The following IL23R variants were observed in gnomAD, a reference collection of about 807,000 sequenced individuals.
The protein encoded by IL23R is interleukin-23 receptor.
A neutral mutation model predicts 56.9 loss-of-function variants in IL23R; 34 were observed. The observed-to-expected ratio is 0.60, with a 90% CI of 0.45 to 0.80. The LOEUF is 0.80. Ranked by LOEUF, IL23R falls within the 30% of genes least tolerant of loss-of-function variation. IL23R has a pLI of 0.00. For synonymous variants in IL23R, 230 were observed against 249.2 expected (o/e 0.92, Z 0.73); for missense variants, 635 against 730.0 (o/e 0.87, Z 1.50).
chr1:67,182,592 G>A (rs906963085), intron 3 of IL23R, among the ~76,000 whole-genome samples: 2 of 152,274 alleles, frequency 1.3e-5, no homozygotes, highest in Non-Finnish European at 2.9e-5. Flanking sequence ...CCCGGGTGAG[G>A]CAATGCCTCG....
In IL23R at chr1:67,259,818, G is replaced by A. The variant is rs1381705290; in HGVS notation, c.*690G>A. The A allele has an allele frequency of 6.6e-6, 1 of 151,926 alleles. No homozygotes were observed. The highest frequency in any genetic ancestry group is 2.4e-5 in the African/African-American group (1 of 41,288). The allele number at this position is 151,926 out of a possible 1,614,324, so 9.4% of individuals were successfully genotyped here. A position where few individuals can be genotyped will look rare whatever the true frequency, so the allele number is the denominator to read the frequency against. On this transcript the variant is annotated 3_prime_UTR_variant, in exon 11 of 11. Transcript: ENST00000347310. ...GTCTCTACTAAAATTACAAAAATTA[G>A]CCGGCCATGGTGGCAGGTGCTTGTA... is the stretch of plus-strand genomic sequence containing the variant.
chr1:67,192,074 A>T (rs988132803), intron 4 of IL23R, among the ~76,000 whole-genome samples: 3 of 152,240 alleles, frequency 2.0e-5, no homozygotes, highest in African/African-American at 7.2e-5. Flanking sequence ...CCAGCAGTGC[A>T]TTTGGTGAGG....
chr1:67,233,059 C>T (rs1651201532), intron 7 of IL23R, among the ~76,000 whole-genome samples: 1 of 151,494 alleles, frequency 6.6e-6, no homozygotes, highest in Non-Finnish European at 1.5e-5. Context: ...TATAAATTTC[C>T]CAGTTTTGTC....
chr1:67,226,940 G>A (rs541260126), intron 7 of IL23R, among the ~76,000 whole-genome samples: 51 of 152,142 alleles, frequency 3.4e-4, no homozygotes, highest in Non-Finnish European at 5.0e-4. Context: ...ACAGGATATA[G>A]GACTGTTGTC....
At chr1:67,262,500 A>G (rs993443236), downstream of IL23R, among the ~76,000 whole-genome samples, 2 of 152,174 alleles carry the variant, frequency 1.3e-5, no homozygotes, top group African/African-American at 4.8e-5. Flanking sequence ...AGTCTCAGGT[A>G]AGAGCCAGCT....
intron 1 of IL23R, among the ~76,000 whole-genome samples, chr1:67,161,377 C>A (rs1382406310): frequency 1.3e-5 from 2 of 151,984 alleles, no homozygotes; most frequent in East Asian, 1.9e-4. Context: ...ATATAATATA[C>A]TCCTCCTAAA....
At chr1:67,143,739 C>A (rs1570751316) in intron 1 of IL23R, among the ~76,000 whole-genome samples, 1 of 152,232 alleles carries the variant, frequency 6.6e-6, no homozygotes, top group Middle Eastern at 3.4e-3. Flanking sequence ...AAGTAAGATG[C>A]CTTTGCATGT....
At chr1:67,154,779 C>G (rs1005535855) in intron 1 of IL23R, among the ~76,000 whole-genome samples, 1 of 152,012 alleles carries the variant, frequency 6.6e-6, no homozygotes, top group East Asian at 1.9e-4. Flanking sequence ...GGGCATTTAG[C>G]CCATTTACAT....
chr1:67,156,764 T>C (rs1486976375), intron 1 of IL23R, among the ~76,000 whole-genome samples: 1 of 152,202 alleles, frequency 6.6e-6, no homozygotes, highest in African/African-American at 2.4e-5. Context: ...AAGTGGGACC[T>C]GCTGAGCGAG....
chr1:67,257,796 C>T (rs528392093), intron 10 of IL23R, among the ~76,000 whole-genome samples: 39 of 152,268 alleles, frequency 2.6e-4, no homozygotes, highest in African/African-American at 7.0e-4. Flanking sequence ...CTCCGCCTCC[C>T]GGGCTCAAGC....
At chr1:67,199,708 C>T (rs975764401) in intron 4 of IL23R, among the ~76,000 whole-genome samples, 2 of 151,112 alleles carry the variant, frequency 1.3e-5, no homozygotes, top group Admixed American at 6.6e-5. Flanking sequence ...TATATACGCT[C>T]ATTGTTTTTT....
intron 9 of IL23R, among the ~76,000 whole-genome samples, chr1:67,243,370 T>A (rs922636560): frequency 1.3e-5 from 2 of 152,136 alleles, no homozygotes; most frequent in African/African-American, 2.4e-5. Context: ...GCAGGTTCGT[T>A]ACATAGGTAT....
chr1:67,150,925 C>T (rs761287692), intron 1 of IL23R, among the ~76,000 whole-genome samples: 14 of 152,040 alleles, frequency 9.2e-5, no homozygotes, highest in South Asian at 2.1e-4. Context: ...TGTATGTGCA[C>T]GTATCTTTGT....
At chr1:67,157,055 C>T (rs1364235158) in intron 1 of IL23R, among the ~76,000 whole-genome samples, 2 of 152,136 alleles carry the variant, frequency 1.3e-5, no homozygotes, top group African/African-American at 4.8e-5. Flanking sequence ...GAGGGACGTC[C>T]CTCTGCTCCA....
intron 7 of IL23R, among the ~76,000 whole-genome samples, chr1:67,222,102 C>CTTT (rs72241835): frequency 0.01 from 595 of 58,776 alleles, no homozygotes; most frequent in Middle Eastern, 0.036. Flanking sequence ...TTCTTTCTTT[C>CTTT]TTTTTTTTTT....
chr1:67,235,486 C>T (rs902171797), intron 7 of IL23R, among the ~76,000 whole-genome samples: 2 of 151,756 alleles, frequency 1.3e-5, no homozygotes, highest in East Asian at 3.9e-4. Flanking sequence ...CTCCACCTCC[C>T]GGGTTCAAGT....
At chr1:67,257,977 C>T (rs1422032237) in intron 10 of IL23R, among the ~76,000 whole-genome samples, 1 of 152,140 alleles carries the variant, frequency 6.6e-6, no homozygotes, top group Non-Finnish European at 1.5e-5. Flanking sequence ...GCTGGGATTA[C>T]AGGCCTTATC....
In IL23R at chr1:67,214,084, A is replaced by G. The variant is rs1327365539; in HGVS notation, c.799-5490A>G. ...CTACCTGAGAGACTGAGGCAGGAAG[A>G]TCACTTGAGCCAGGGTTTTGAGGCT... On this transcript the variant is annotated intron_variant, in intron 6 of 10. Coordinates refer to ENST00000347310, the MANE Select transcript of IL23R (RefSeq NM_144701.3). 2.6e-5 allele frequency among the ~76,000 whole-genome samples: 4 copies of G among 152,334 alleles called. No homozygotes were observed. In the East Asian group the frequency reaches 7.7e-4, roughly 29 times the overall value.
intron 4 of IL23R, among the ~76,000 whole-genome samples, chr1:67,197,446 C>G (rs1648245765): frequency 6.6e-6 from 1 of 152,142 alleles, no homozygotes; most frequent in African/African-American, 2.4e-5. Context: ...GTAGGTAGTT[C>G]AAGGGGCTCA....
Sources: gnomAD v4.1 joint callset for allele counts (sites outside exome capture counted in the v4.1 genomes callset) on GRCh38, gnomAD v4.1.1 for gene constraint, MANE v1.5 for transcripts, NCBI Gene and HGNC (gene_info 2026-07-23, HGNC 2026-07-21) for gene names.